LRRC4C: variants seen among roughly 807,000 people sequenced by gnomAD.
The protein encoded by LRRC4C is leucine-rich repeat-containing protein 4C.
In LRRC4C, 5 loss-of-function variants were observed where a neutral mutation model predicts 33.6. The ratio of observed to expected loss-of-function variants is 0.15; its 90% confidence interval spans 0.08 to 0.31. The LOEUF is 0.31. LRRC4C is among the 10% of genes least tolerant of loss of function. The pLI, the probability that LRRC4C is intolerant of heterozygous loss-of-function variation, is 1.00. For synonymous variants in LRRC4C, 329 were observed against 302.0 expected, an observed-to-expected ratio of 1.09 and a Z score of -0.93; for missense variants, 560 against 796.7, an observed-to-expected ratio of 0.70 and a Z score of 3.58.
chr11:40,625,900 C>G (rs918733305), intron 3 of LRRC4C, among the ~76,000 whole-genome samples: 1 of 152,072 alleles, frequency 6.6e-6, no homozygotes, highest in Non-Finnish European at 1.5e-5. Flanking sequence ...TCTAAGGAGA[C>G]CTTCCTCTTC....
rs1032542534 is a variant in LRRC4C at position 40,937,018 on chromosome 11, A to G, written c.-495-3295T>C. Among the ~76,000 whole-genome samples the G allele has an allele frequency of 1.3e-5, 2 of 152,356 alleles. 1 individual carries two copies. Among genetic ancestry groups the G allele is most frequent in the East Asian group, 3.9e-4 (2 of 5,180 alleles). On this transcript the variant is annotated intron_variant, in intron 1 of 6. Coordinates refer to ENST00000528697, the MANE Select transcript of LRRC4C (RefSeq NM_001258419.2). ...ACTGTCTAACATTGTCAGCAGATGT[A>G]TGTTCATTCTGTGCTATTTGCAATA...
intron 1 of LRRC4C, among the ~76,000 whole-genome samples, chr11:41,135,061 T>TAC (rs147589582): frequency 0.051 from 7,714 of 151,424 alleles, 674 homozygotes; most frequent in African/African-American, 0.18. Context: ...TATACACATA[T>TAC]ACACACACAC....
chr11:40,794,443 G>A (rs1389912216), intron 2 of LRRC4C, among the ~76,000 whole-genome samples: 2 of 147,630 alleles, frequency 1.4e-5, no homozygotes, highest in African/African-American at 5.0e-5. Flanking sequence ...GCTCAGACAT[G>A]TACTATTTGT....
intron 4 of LRRC4C, among the ~76,000 whole-genome samples, chr11:40,310,869 G>A (rs1945271694): frequency 6.6e-6 from 1 of 152,124 alleles, no homozygotes; most frequent in Non-Finnish European, 1.5e-5. Context: ...TCCTAAAGAA[G>A]AATCCAAAGA....
chr11:40,988,501 A>T (rs1159739163), intron 1 of LRRC4C, among the ~76,000 whole-genome samples: 2 of 152,130 alleles, frequency 1.3e-5, no homozygotes, highest in Non-Finnish European at 2.9e-5. Context: ...AACTAAGCTT[A>T]CTATGCCTTC....
intron 4 of LRRC4C, among the ~76,000 whole-genome samples, chr11:40,263,932 T>C (rs1240983021): frequency 4.6e-5 from 7 of 152,100 alleles, no homozygotes; most frequent in African/African-American, 1.7e-4. Flanking sequence ...TTCTGGAGGA[T>C]TTTACATAGA....
At chr11:41,376,784 G>A (rs1952951212) in intron 1 of LRRC4C, among the ~76,000 whole-genome samples, 1 of 151,954 alleles carries the variant, frequency 6.6e-6, no homozygotes, top group Non-Finnish European at 1.5e-5. Flanking sequence ...AAATATTTGA[G>A]TAATAGAGTT....
intron 2 of LRRC4C, among the ~76,000 whole-genome samples, chr11:40,898,084 G>T (rs1204792792): frequency 6.6e-6 from 1 of 152,124 alleles, no homozygotes; most frequent in Non-Finnish European, 1.5e-5. Context: ...GCTGGGTGCG[G>T]TGGCTTACGC....
At chr11:40,589,332 AGATCTT>A (rs1565534907) in intron 3 of LRRC4C, among the ~76,000 whole-genome samples, 1 of 151,900 alleles carries the variant, frequency 6.6e-6, no homozygotes, top group Non-Finnish European at 1.5e-5. Context: ...TTTGCTTGGT[AGATCTT>A]CCTCCATCCT....
chr11:40,138,230 C>A lies in LRRC4C; in HGVS notation c.-43+2571G>T, dbSNP rs547008885. The stretch of plus-strand genomic sequence containing the variant: ...CCACTCAGGCTAGAGTGCAATGGTG[C>A]AATCATAGCTCACTGTAACCTTGAA... On this transcript the variant is annotated intron_variant, in intron 6 of 6. Transcript: ENST00000528697. 2.6e-5 allele frequency among the ~76,000 whole-genome samples: 4 copies of A among 151,474 alleles called. No individual in the cohort carries two copies. In the East Asian group the frequency reaches 7.8e-4, roughly 29 times the overall value.
chr11:40,370,853 A>G (rs1590485997), intron 3 of LRRC4C, among the ~76,000 whole-genome samples: 1 of 152,236 alleles, frequency 6.6e-6, no homozygotes, highest in Non-Finnish European at 1.5e-5. Context: ...ATGAAATAAA[A>G]TAAAAATTTA....
intron 3 of LRRC4C, among the ~76,000 whole-genome samples, chr11:40,608,304 C>T (rs1960846110): frequency 6.6e-6 from 1 of 152,132 alleles, no homozygotes; most frequent in East Asian, 1.9e-4. Context: ...CAGTTGTCAT[C>T]AGCCTAAAAT....
chr11:41,018,085 T>C (rs1433393263), intron 1 of LRRC4C, among the ~76,000 whole-genome samples: 1 of 152,046 alleles, frequency 6.6e-6, no homozygotes, highest in African/African-American at 2.4e-5. Flanking sequence ...GGCAATAAAA[T>C]AAATTGAAAA....
At chr11:40,223,480 T>C (rs530465890) in intron 5 of LRRC4C, among the ~76,000 whole-genome samples, 143 of 152,184 alleles carry the variant, frequency 9.4e-4, no homozygotes, top group Non-Finnish European at 1.7e-3. Flanking sequence ...CCAGGAGCAC[T>C]GGACAGGATA....
At chr11:41,000,725 C>T (rs1240252404) in intron 1 of LRRC4C, among the ~76,000 whole-genome samples, 9 of 151,994 alleles carry the variant, frequency 5.9e-5, no homozygotes, top group Non-Finnish European at 1.2e-4. Context: ...TTCGTCTCCC[C>T]GACTGGCCAG....
At chr11:40,278,870 C>A (rs1259200646) in intron 4 of LRRC4C, among the ~76,000 whole-genome samples, 1 of 152,104 alleles carries the variant, frequency 6.6e-6, no homozygotes, top group Non-Finnish European at 1.5e-5. Flanking sequence ...GTGCACTGAC[C>A]CTCTACTCCC....
At chr11:41,149,650 A>C (rs1019973192) in intron 1 of LRRC4C, among the ~76,000 whole-genome samples, 1 of 152,028 alleles carries the variant, frequency 6.6e-6, no homozygotes, top group Non-Finnish European at 1.5e-5. Context: ...CACAGATAGG[A>C]TAGATGAAGA....
chr11:40,193,791 C>G (rs1040299519), intron 5 of LRRC4C, among the ~76,000 whole-genome samples: 1 of 152,006 alleles, frequency 6.6e-6, no homozygotes, highest in Non-Finnish European at 1.5e-5. Flanking sequence ...AAACACAGCA[C>G]GAGACCTTTG....
intron 1 of LRRC4C, among the ~76,000 whole-genome samples, chr11:41,057,024 C>T (rs923277237): frequency 7.9e-5 from 12 of 152,204 alleles, no homozygotes; most frequent in African/African-American, 2.9e-4. Flanking sequence ...CTCTTTGTTC[C>T]AAGAGCAGGC....
Sources: allele counts gnomAD v4.1 joint callset (sites outside exome capture counted in the v4.1 genomes callset), GRCh38; gene constraint gnomAD v4.1.1; transcripts MANE v1.5; gene names NCBI Gene and HGNC (gene_info 2026-07-23, HGNC 2026-07-21).